AGAP1: variants seen among roughly 807,000 people sequenced by gnomAD.
The protein encoded by AGAP1 is arf-GAP with GTPase, ANK repeat and PH domain-containing protein 1.
In AGAP1, 29 loss-of-function variants were observed where a neutral mutation model predicts 105.3. That is an observed-to-expected ratio of 0.28 (90% CI 0.21 to 0.38). The LOEUF is 0.38. Among genes scored for constraint, AGAP1 ranks in the 10% least tolerant of loss-of-function variants. The pLI, the probability that AGAP1 is intolerant of heterozygous loss-of-function variation, is 1.00. For missense variants in AGAP1, 998 were observed against 1,165.1 expected, an observed-to-expected ratio of 0.86 and a Z score of 2.09; for synonymous variants, 509 against 485.9, an observed-to-expected ratio of 1.05 and a Z score of -0.63.
chr2:236,089,059 G>A lies in AGAP1; in HGVS notation c.2115-31133G>A, dbSNP rs1281380078. 3.9e-5 allele frequency among the ~76,000 whole-genome samples: 6 copies of A among 152,168 alleles called. No individual in the cohort carries two copies. Among genetic ancestry groups the A allele is most frequent in the Admixed American group, 3.3e-4 (5 of 15,276 alleles). ...AAGGTACATCACCACCGTCCATCAC[G>A]TGAAGGAGTAGAAAAAGTGGGATGC... On this transcript the variant is annotated intron_variant, in intron 16 of 17. Transcript: ENST00000304032. This position sits in a 1 kb window ranked among gnomAD's most constrained non-coding sequence, Gnocchi z 5.6.
intron 9 of AGAP1, among the ~76,000 whole-genome samples, chr2:235,849,063 C>T (rs980686957): frequency 1.3e-5 from 2 of 152,146 alleles, no homozygotes; most frequent in Admixed American, 6.5e-5. Context: ...GTGTTATTTA[C>T]CCTGTAATTC....
Position 235,971,399 on chromosome 2 carries a change from C to T in AGAP1, c.1645+2776C>T, listed in dbSNP as rs2054634291. On this transcript the variant is annotated intron_variant, in intron 13 of 17. Transcript: ENST00000304032. This position sits in a 1 kb window ranked among gnomAD's most constrained non-coding sequence, Gnocchi z 4.8. ...TTGAAAGTACATTGTGTAAAACACCCAAATTAAACATTCTGTTCTGGCCGG... is the reference window on the plus strand; with the variant it reads ...TTGAAAGTACATTGTGTAAAACACCTAAATTAAACATTCTGTTCTGGCCGG... Among the ~76,000 whole-genome samples the T allele has an allele frequency of 1.3e-5, 2 of 152,196 alleles. No homozygotes were observed. The highest frequency in any genetic ancestry group is 4.8e-5 in the African/African-American group (2 of 41,452).
chr2:235,706,607 G>A (rs1950550610), intron 1 of AGAP1, among the ~76,000 whole-genome samples: 1 of 152,168 alleles, frequency 6.6e-6, no homozygotes, highest in African/African-American at 2.4e-5. Context: ...TATCGCACCT[G>A]GCTGTCATCA....
chr2:235,880,266 C>T (rs903141891), intron 9 of AGAP1, among the ~76,000 whole-genome samples: 1 of 152,020 alleles, frequency 6.6e-6, no homozygotes, highest in Non-Finnish European at 1.5e-5. Flanking sequence ...CACGAAAGTA[C>T]CTCCCACACG....
intron 1 of AGAP1, among the ~76,000 whole-genome samples, chr2:235,544,340 C>T (rs956087242): frequency 2.6e-5 from 4 of 152,274 alleles, no homozygotes; most frequent in South Asian, 2.1e-4. Context: ...TGCCTCCTGC[C>T]GTTGCTTACG....
intron 6 of AGAP1, among the ~76,000 whole-genome samples, chr2:235,797,011 A>G (rs1957272500): frequency 6.6e-6 from 1 of 152,228 alleles, no homozygotes; most frequent in African/African-American, 2.4e-5. Flanking sequence ...TGATTAAGAT[A>G]AACTTACAAT....
At chr2:235,954,767 A>G (rs573426747) in intron 12 of AGAP1, among the ~76,000 whole-genome samples, 3 of 151,776 alleles carry the variant, frequency 2.0e-5, no homozygotes, top group South Asian at 4.2e-4. Context: ...ACACATATAT[A>G]TGCTTATTAA....
At chr2:235,902,512 T>A (rs953130625) in intron 10 of AGAP1, among the ~76,000 whole-genome samples, 1 of 152,206 alleles carries the variant, frequency 6.6e-6, no homozygotes, top group Non-Finnish European at 1.5e-5. Context: ...TATGCAGATT[T>A]CTAAATAGTG....
intron 1 of AGAP1, chr2:235,669,471 C>T (rs1948245678): frequency 6.5e-6 from 1 of 153,198 alleles, no homozygotes; most frequent in Non-Finnish European, 1.5e-5. Context: ...CGATCCATCC[C>T]GGCGCTTGGG....
intron 16 of AGAP1, among the ~76,000 whole-genome samples, chr2:236,102,810 G>C (rs1048964001): frequency 2.0e-5 from 3 of 152,128 alleles, no homozygotes; most frequent in African/African-American, 7.2e-5. Flanking sequence ...TTAGAAAATG[G>C]TGGGGAAATA....
intron 1 of AGAP1, among the ~76,000 whole-genome samples, chr2:235,677,553 G>A (rs1026954755): frequency 2.0e-5 from 3 of 152,082 alleles, no homozygotes; most frequent in African/African-American, 7.2e-5. Flanking sequence ...TTCACGTGAC[G>A]TTGTGTGCCG....
intron 1 of AGAP1, among the ~76,000 whole-genome samples, chr2:235,695,700 C>T (rs757335373): frequency 7.9e-5 from 12 of 152,162 alleles, no homozygotes; most frequent in Non-Finnish European, 1.0e-4. Flanking sequence ...GGGCCGGGCG[C>T]AGTGGGGGCA....
chr2:235,988,343 T>C lies in AGAP1; in HGVS notation c.1645+19720T>C, dbSNP rs1385713418. ...CAGGCGTGAGCCACCGTGCCTGGCC[T>C]AAAACTCCTTTTGATTGGTGCGTGG... On this transcript the variant is annotated intron_variant, in intron 13 of 17. Transcript: ENST00000304032. The surrounding 1 kb of genome is among the most constrained non-coding windows in gnomAD (Gnocchi z 4.7). 6.6e-6 allele frequency among the ~76,000 whole-genome samples: 1 copy of C among 152,154 alleles called. No homozygotes were observed. Among genetic ancestry groups the C allele is most frequent in the Non-Finnish European group, 1.5e-5 (1 of 68,036 alleles).
intron 9 of AGAP1, among the ~76,000 whole-genome samples, chr2:235,840,794 A>G (rs1434134384): frequency 6.7e-6 from 1 of 149,134 alleles, no homozygotes; most frequent in Non-Finnish European, 1.5e-5. Context: ...TAAATGAGGG[A>G]CACTTGTGCT....
chr2:235,986,207 A>G (rs1281032438), intron 13 of AGAP1, among the ~76,000 whole-genome samples: 1 of 151,856 alleles, frequency 6.6e-6, no homozygotes, highest in Non-Finnish European at 1.5e-5. Flanking sequence ...TTGTATTCCC[A>G]GGTATTTTAT....
chr2:235,885,729 C>T (rs1382971649), intron 10 of AGAP1, among the ~76,000 whole-genome samples: 1 of 152,224 alleles, frequency 6.6e-6, no homozygotes, highest in Non-Finnish European at 1.5e-5. Flanking sequence ...TTTAGCGTAG[C>T]TATACCTTTC....
chr2:236,069,613 G>A (rs780940649), intron 16 of AGAP1, among the ~76,000 whole-genome samples: 3 of 152,090 alleles, frequency 2.0e-5, no homozygotes, highest in Non-Finnish European at 4.4e-5. Context: ...TAGTAGAGAC[G>A]GGGTTTCACC....
At chr2:235,514,363 AGGAGTCAT>A (rs1942290216) in intron 1 of AGAP1, among the ~76,000 whole-genome samples, 1 of 152,246 alleles carries the variant, frequency 6.6e-6, no homozygotes, top group South Asian at 2.1e-4. Flanking sequence ...CCTTTTTAGA[AGGAGTCAT>A]GGAGGAAGTA....
At chr2:235,547,653 T>C (rs1030455263) in intron 1 of AGAP1, among the ~76,000 whole-genome samples, 6 of 152,118 alleles carry the variant, frequency 3.9e-5, no homozygotes, top group African/African-American at 7.2e-5. Context: ...ACCACCACGC[T>C]CAACTAATTT....
Sources: gnomAD v4.1 joint callset for allele counts (sites outside exome capture counted in the v4.1 genomes callset) on GRCh38, gnomAD v4.1.1 for gene constraint, Gnocchi (gnomAD v3.1) non-coding constraint, MANE v1.5 for transcripts, NCBI Gene and HGNC (gene_info 2026-07-23, HGNC 2026-07-21) for gene names.